The following KCNU1 variants were observed in gnomAD, a reference collection of about 807,000 sequenced individuals.
The protein encoded by KCNU1 is potassium calcium-activated channel subfamily U member 1, also known as potassium channel subfamily U member 1.
KCNU1 carries 93 observed loss-of-function variants against 126.8 expected under a neutral mutation model. The ratio of observed to expected loss-of-function variants is 0.73; its 90% CI spans 0.62 to 0.87. KCNU1 has a LOEUF of 0.87. Ranked by LOEUF, KCNU1 falls within the 40% of genes least tolerant of loss-of-function variation. KCNU1 has a pLI of 0.00. For missense variants in KCNU1, 1,330 were observed against 1,367.1 expected, an observed-to-expected ratio of 0.97 and a Z score of 0.43; for synonymous variants, 523 against 494.2, an observed-to-expected ratio of 1.06 and a Z score of -0.77.
chr8:36,816,074 G>T (rs929213737), intron 9 of KCNU1, among the ~76,000 whole-genome samples: 1 of 151,052 alleles, frequency 6.6e-6, no homozygotes, highest in African/African-American at 2.5e-5. Flanking sequence ...ATAATGGATC[G>T]GATTAAAGCC....
chr8:36,900,488 G>A (rs1015598244), intron 19 of KCNU1, among the ~76,000 whole-genome samples: 19 of 152,082 alleles, frequency 1.2e-4, no homozygotes, highest in African/African-American at 3.9e-4. Flanking sequence ...TACAATATGT[G>A]TATAGGTGTG....
chr8:36,890,312 A>T (rs1242605204), intron 19 of KCNU1, among the ~76,000 whole-genome samples: 2 of 152,072 alleles, frequency 1.3e-5, no homozygotes, highest in Non-Finnish European at 2.9e-5. Context: ...AAATTGTATG[A>T]GGTGACCAAT....
chr8:36,850,059 A>G (rs1805287314), intron 18 of KCNU1, among the ~76,000 whole-genome samples: 1 of 152,034 alleles, frequency 6.6e-6, no homozygotes, highest in Admixed American at 6.6e-5. Context: ...TTTGATCTAA[A>G]TTTTCCTAAA....
At chr8:36,784,707 T>TGACTCTGTTAGCTTGAAA in intron 1 of KCNU1, 102 bp downstream of exon 1, 2 of 946,302 alleles carry the variant, frequency 2.1e-6, no homozygotes, top group Non-Finnish European at 3.1e-6. Flanking sequence ...TTTTTCAAGC[T>TGACTCTGTTAGCTTGAAA]AACAGAGTCA....
At chr8:36,797,014 C>A (rs1376445156) in intron 2 of KCNU1, among the ~76,000 whole-genome samples, 2 of 152,108 alleles carry the variant, frequency 1.3e-5, no homozygotes, top group Non-Finnish European at 2.9e-5. Flanking sequence ...GTATTGGACA[C>A]ACACTAGGAG....
intron 18 of KCNU1, among the ~76,000 whole-genome samples, chr8:36,852,588 C>T (rs1412959999): frequency 2.6e-5 from 4 of 152,056 alleles, no homozygotes; most frequent in African/African-American, 9.7e-5. Context: ...TTGGTAGTTT[C>T]ATCTTTCTAC....
intron 19 of KCNU1, among the ~76,000 whole-genome samples, chr8:36,895,648 TA>T (rs1451619186): frequency 6.6e-6 from 1 of 152,092 alleles, no homozygotes; most frequent in Non-Finnish European, 1.5e-5. Flanking sequence ...TGTCAAAAGT[TA>T]AAATAAAAAA....
rs1270165638 is a variant in KCNU1 at position 36,904,797 on chromosome 8, GT to G, written c.2010-910del. On this transcript the variant is annotated intron_variant, in intron 19 of 26. Transcript: ENST00000399881. ...GAGGCCATAAGATGGTAGAGCCTCTGTCCCCCAGGCTCCGGATGGCTGTGTG... is the reference window on the plus strand; with the variant it reads ...GAGGCCATAAGATGGTAGAGCCTCTGCCCCCAGGCTCCGGATGGCTGTGTG... Among the ~76,000 whole-genome samples the G allele has an allele frequency of 8.5e-5, 13 of 152,224 alleles. No individual in the cohort carries two copies. The East Asian group carries it at 2.5e-3, about 30-fold the overall frequency.
intron 7 of KCNU1, among the ~76,000 whole-genome samples, chr8:36,810,648 T>A (rs1488965119): frequency 6.6e-6 from 1 of 152,160 alleles, no homozygotes; most frequent in Admixed American, 6.5e-5. Context: ...TCTCACACTA[T>A]CCTTCAGCTA....
At chr8:36,834,933 G>A (rs1005436763) in intron 12 of KCNU1, 65 bp downstream of exon 12, 12 of 991,210 alleles carry the variant, frequency 1.2e-5, no homozygotes, top group South Asian at 4.3e-5. Context: ...AGTAATGCCC[G>A]GTACATAAGC....
intron 19 of KCNU1, among the ~76,000 whole-genome samples, chr8:36,868,610 T>C (rs950792955): frequency 2.0e-5 from 3 of 151,966 alleles, no homozygotes; most frequent in Non-Finnish European, 2.9e-5. Flanking sequence ...CCCTAACTTA[T>C]ACAAAAGTTA....
chr8:36,898,315 C>T (rs891324052), intron 19 of KCNU1, among the ~76,000 whole-genome samples: 10 of 151,948 alleles, frequency 6.6e-5, no homozygotes, highest in Non-Finnish European at 1.3e-4. Flanking sequence ...TACATAAACA[C>T]GTGCACCTCA....
chr8:36,862,968 C>T (rs946800089), intron 18 of KCNU1, among the ~76,000 whole-genome samples: 1 of 152,084 alleles, frequency 6.6e-6, no homozygotes, highest in Non-Finnish European at 1.5e-5. Context: ...GCCATTCCCC[C>T]CAGGGCAAAA....
At chr8:36,860,427 C>G (rs1015365369) in intron 18 of KCNU1, among the ~76,000 whole-genome samples, 1 of 152,066 alleles carries the variant, frequency 6.6e-6, no homozygotes, top group Non-Finnish European at 1.5e-5. Flanking sequence ...TAGGGCTAAG[C>G]CTTCAGAGTA....
At chr8:36,806,134 G>A (rs1803492838) in intron 4 of KCNU1, 135 bp from the exon 5 acceptor site, 1 of 569,794 alleles carries the variant, frequency 1.8e-6, no homozygotes, top group African/African-American at 1.9e-5. Context: ...AAATATATGT[G>A]TCTGTGTATA....
At chr8:36,857,141 C>G (rs977495770) in intron 18 of KCNU1, among the ~76,000 whole-genome samples, 5 of 152,240 alleles carry the variant, frequency 3.3e-5, no homozygotes, top group African/African-American at 1.2e-4. Context: ...GAGTAGGACA[C>G]TAGCACTGGT....
chr8:36,792,256 T>TGG (rs1802930674), intron 2 of KCNU1, among the ~76,000 whole-genome samples: 2 of 152,208 alleles, frequency 1.3e-5, no homozygotes, highest in Non-Finnish European at 2.9e-5. Context: ...TTATTTTATT[T>TGG]AGGTGTTCAG....
intron 19 of KCNU1, among the ~76,000 whole-genome samples, chr8:36,875,076 C>G (rs970165605): frequency 3.3e-5 from 5 of 151,774 alleles, no homozygotes; most frequent in Non-Finnish European, 5.9e-5. Context: ...GGGGAAAAAG[C>G]TAGTTAAAAA....
intron 10 of KCNU1, among the ~76,000 whole-genome samples, chr8:36,826,606 C>A (rs1268112660): frequency 1.3e-5 from 2 of 152,134 alleles, no homozygotes; most frequent in Non-Finnish European, 2.9e-5. Context: ...ACCTAGATTC[C>A]AGAACCTTAG....
Sources: gnomAD v4.1 joint callset for allele counts (sites outside exome capture counted in the v4.1 genomes callset) on GRCh38, gnomAD v4.1.1 for gene constraint, MANE v1.5 for transcripts, NCBI Gene and HGNC (gene_info 2026-07-23, HGNC 2026-07-21) for gene names.